The following SCART1 variants were observed in gnomAD, a reference collection of about 807,000 sequenced individuals.
SCART1 encodes the protein scavenger receptor cysteine-rich domain-containing protein SCART1.
Under a neutral mutation model 36.2 loss-of-function variants are expected in SCART1, and 62 were observed. The observed-to-expected ratio is 1.71, with a 90% confidence interval of 1.40 to 2.12. The LOEUF is 2.12. SCART1 is among the 30% of genes most tolerant of loss of function. The probability of loss-of-function intolerance (pLI) is 0.00; values close to 1 mark genes in which losing one functional copy is unlikely to be tolerated. For synonymous variants in SCART1, 487 were observed against 238.7 expected, an observed-to-expected ratio of 2.04 and a Z score of -9.59; for missense variants, 1,041 against 540.5, an observed-to-expected ratio of 1.93 and a Z score of -9.18.
At chr10:133,465,472 C>T (rs1053266257) in exon 9 of SCART1, 5 of 522,784 alleles carry the variant, frequency 9.6e-6, no homozygotes, top group African/African-American at 8.1e-5. Flanking sequence ...GGTGGGGTGC[C>T]GGGGCAGCGA....
At chr10:133,457,188 C>T in intron 2 of SCART1, 91 bp from the exon 3 acceptor site, 1 of 672,348 alleles carries the variant, frequency 1.5e-6, no homozygotes, top group South Asian at 1.6e-5. Flanking sequence ...CTGGCTCAGC[C>T]CATCACTGTC....
At chr10:133,454,574 G>T (rs1005732069) in intron 1 of SCART1, among the ~76,000 whole-genome samples, 1 of 152,172 alleles carries the variant, frequency 6.6e-6, no homozygotes, top group Non-Finnish European at 1.5e-5. Flanking sequence ...AGAGAGGGGG[G>T]TCTAGCTAGA....
intron 6 of SCART1, among the ~76,000 whole-genome samples, chr10:133,460,482 A>ATATATATATATATATT (rs1312454143): frequency 1.4e-5 from 2 of 142,704 alleles, no homozygotes; most frequent in African/African-American, 5.2e-5. Context: ...ATATATATAT[A>ATATATATATATATATT]TATATATTTA....
chr10:133,456,191 C>T, intron 1 of SCART1, 46 bp from the exon 2 acceptor site: 1 of 675,654 alleles, frequency 1.5e-6, no homozygotes, highest in South Asian at 1.6e-5. Flanking sequence ...TCCTCCTGCG[C>T]CTCTGGTTGG....
chr10:133,460,500 TAAA>T (rs1194442946), intron 6 of SCART1, among the ~76,000 whole-genome samples: 23 of 134,680 alleles, frequency 1.7e-4, no homozygotes, highest in South Asian at 7.7e-4. Flanking sequence ...TTATATATTT[TAAA>T]AAATATTTTA....
At chr10:133,456,330 A>T in exon 2 of SCART1, 1 of 702,948 alleles carries the variant, frequency 1.4e-6, no homozygotes, top group South Asian at 1.5e-5. Context: ...TACGTGTGCA[A>T]CCAGGAGTGG....
chr10:133,465,091 C>A lies in SCART1; in HGVS notation c.2276-15C>A. 1.4e-6 allele frequency: 1 copy of A among 702,998 alleles called. No individual in the cohort carries two copies. Among genetic ancestry groups the A allele is most frequent in the South Asian group, 1.5e-5 (1 of 67,602 alleles). 43.5% of individuals were successfully genotyped at this position (702,998 alleles called of 1,614,324 possible). A position where few individuals can be genotyped will look rare whatever the true frequency, so the allele number is the denominator to read the frequency against. ...CTGGGCACCGAAGCTCTCAGAGCTG[C>A]TGTTTAACCCGCAGGATTGTCAGAG... On this transcript the variant is annotated splice_polypyrimidine_tract_variant and intron_variant, in intron 7 of 11. Coordinates refer to ENST00000640237, the Ensembl canonical transcript of SCART1.
exon 12 of SCART1, chr10:133,468,500 C>A (rs967701085): frequency 1.3e-5 from 2 of 152,200 alleles, no homozygotes; most frequent in African/African-American, 4.8e-5. Context: ...GGGCTGGGAC[C>A]CTTCAGTCCA....
rs1162141224 is a variant in SCART1, at chr10:133,468,669, T to C, written c.*701T>C. 3 of 152,198 alleles carry C rather than the reference T, an allele frequency of 2.0e-5. No homozygotes were observed. In the East Asian group the frequency reaches 5.8e-4, roughly 29 times the overall value. The allele number at this position is 152,198 out of a possible 1,614,324, so 9.4% of individuals were successfully genotyped here. The stretch of plus-strand genomic sequence containing the variant: ...AAAGCCCAGTCTATACCTAATTTGT[T>C]AAGGGTTTTGCTTTTTATCATAAGT... On this transcript the variant is annotated 3_prime_UTR_variant, in exon 12 of 12. Transcript: ENST00000640237.
At chr10:133,467,765 C>A in intron 11 of SCART1, 82 bp from the exon 12 acceptor site, 1 of 578,406 alleles carries the variant, frequency 1.7e-6, no homozygotes, top group Non-Finnish European at 3.1e-6. Flanking sequence ...TTATGCGTTC[C>A]TGTCTTACGG....
exon 9 of SCART1, chr10:133,465,351 G>T: frequency 1.5e-6 from 1 of 685,470 alleles, no homozygotes. Flanking sequence ...ACGATGGCTG[G>T]GACCTGGCGG....
chr10:133,465,098 A>G lies in SCART1; in HGVS notation c.2276-8A>G, dbSNP rs1481678887. 2.8e-6 allele frequency: 2 copies of G among 702,860 alleles called. No individual in the cohort carries two copies. Among genetic ancestry groups the G allele is most frequent in the Admixed American group, 4.0e-5 (2 of 49,998 alleles). 43.5% of individuals were successfully genotyped at this position (702,860 alleles called of 1,614,324 possible). A position where few individuals can be genotyped will look rare whatever the true frequency, so the allele number is the denominator to read the frequency against. ...CCGAAGCTCTCAGAGCTGCTGTTTA[A>G]CCCGCAGGATTGTCAGAGGACAGGC... On this transcript the variant is annotated splice_polypyrimidine_tract_variant and splice_region_variant and intron_variant, in intron 7 of 11. Transcript: ENST00000640237.
At chr10:133,464,123 T>C (rs556568305) in intron 6 of SCART1, 1 of 156,550 alleles carries the variant, frequency 6.4e-6, no homozygotes, top group African/African-American at 2.4e-5. Context: ...GTTCCATCCG[T>C]ATTGCTGCAA....
chr10:133,463,495 C>T (rs1272129828), intron 6 of SCART1, among the ~76,000 whole-genome samples: 4 of 139,714 alleles, frequency 2.9e-5, no homozygotes, highest in South Asian at 2.3e-4. Flanking sequence ...ATTGTTTTTA[C>T]GTATTTGACT....
intron 6 of SCART1, chr10:133,464,349 G>A: frequency 2.4e-6 from 1 of 411,298 alleles, no homozygotes; most frequent in Non-Finnish European, 4.4e-6. Flanking sequence ...CCTGGGTGCT[G>A]CAGTGAACCT....
chr10:133,461,458 C>A (rs889160517), intron 6 of SCART1, among the ~76,000 whole-genome samples: 1 of 152,178 alleles, frequency 6.6e-6, no homozygotes, highest in Non-Finnish European at 1.5e-5. Flanking sequence ...TGGATTATTA[C>A]GTTTATTTCA....
intron 9 of SCART1, 127 bp from the exon 10 acceptor site, chr10:133,466,108 G>A: frequency 1.6e-6 from 1 of 629,656 alleles, no homozygotes; most frequent in Non-Finnish European, 2.8e-6. Context: ...TGCCCCCCCA[G>A]CACTTCCGAC....
intron 6 of SCART1, 174 bp from the exon 7 acceptor site, chr10:133,464,432 C>T (rs1337296661): frequency 1.7e-6 from 1 of 579,196 alleles, no homozygotes. Context: ...CTATACACAG[C>T]AGTGGGATTG....
intron 9 of SCART1, chr10:133,465,817 ATG>A (rs1352347533): frequency 1.1e-4 from 74 of 695,606 alleles, no homozygotes; most frequent in Non-Finnish European, 1.6e-4. Context: ...CATTTCGGGT[ATG>A]TGTCACCTGG....
Sources: gnomAD v4.1 joint callset for allele counts (sites outside exome capture counted in the v4.1 genomes callset) on GRCh38, gnomAD v4.1.1 for gene constraint, MANE v1.5 for transcripts, NCBI Gene and HGNC (gene_info 2026-07-23, HGNC 2026-07-21) for gene names.